Variants in RARA observed in about 807,000 individuals in gnomAD.
RARA encodes the protein retinoic acid receptor alpha.
Under a neutral mutation model 42.8 loss-of-function variants are expected in RARA, and 5 were observed. The ratio of observed to expected loss-of-function variants is 0.12; its 90% CI spans 0.06 to 0.25. The LOEUF (loss-of-function observed/expected upper bound fraction) is 0.25, where lower values mean the gene tolerates loss of function less well. Among genes scored for constraint, RARA ranks in the 10% least tolerant of loss-of-function variants. RARA has a pLI of 1.00. For missense variants in RARA, 402 were observed against 628.7 expected (o/e 0.64, Z 3.86); for synonymous variants, 256 against 259.5 (o/e 0.99, Z 0.13).
At chr17:40,330,373 C>T (rs917411062) in intron 1 of RARA, among the ~76,000 whole-genome samples, 5 of 152,112 alleles carry the variant, frequency 3.3e-5, no homozygotes, top group Non-Finnish European at 5.9e-5. Flanking sequence ...GGTGCTGGGG[C>T]TTGGATCTGG....
chr17:40,336,284 T>C (rs2033847783), intron 2 of RARA, among the ~76,000 whole-genome samples: 1 of 152,188 alleles, frequency 6.6e-6, no homozygotes, highest in Non-Finnish European at 1.5e-5. Flanking sequence ...TCCTCCTTAT[T>C]AGGCTGGTCT....
chr17:40,311,715 C>G (rs1428690747), intron 1 of RARA, among the ~76,000 whole-genome samples: 1 of 152,142 alleles, frequency 6.6e-6, no homozygotes, highest in Non-Finnish European at 1.5e-5. Context: ...GTGCAGGGCT[C>G]CCCTGCAGGG....
In RARA at chr17:40,345,774, C is replaced by T. The variant is rs903364704; in HGVS notation, c.179-2542C>T. Among the ~76,000 whole-genome samples the T allele has an allele frequency of 6.6e-6, 1 of 152,190 alleles. No individual in the cohort carries two copies. Among genetic ancestry groups the T allele is most frequent in the African/African-American group, 2.4e-5 (1 of 41,438 alleles). Reference sequence around the variant, plus strand: ...GTCCCTCCCCCGTTGGTGTCCCTCCCCACTCCACCTGTGTGTGCAGGGAGT... The same window carrying T: ...GTCCCTCCCCCGTTGGTGTCCCTCCTCACTCCACCTGTGTGTGCAGGGAGT... On this transcript the variant is annotated intron_variant, in intron 2 of 8. Coordinates refer to ENST00000254066, the MANE Select transcript of RARA (RefSeq NM_000964.4). This position sits in a 1 kb window ranked among gnomAD's most constrained non-coding sequence, Gnocchi z 4.8.
At chr17:40,344,550 C>T (rs1392203129) in intron 2 of RARA, among the ~76,000 whole-genome samples, 1 of 152,116 alleles carries the variant, frequency 6.6e-6, no homozygotes, top group Non-Finnish European at 1.5e-5. Flanking sequence ...CTCAGCTCTT[C>T]CTGGCCCAGA....
Position 40,356,441 on chromosome 17 carries a change from G to T in RARA, c.*215G>T, listed in dbSNP as rs538792963. 4 of 716,988 alleles carry T rather than the reference G, an allele frequency of 5.6e-6. No homozygotes were observed. Among genetic ancestry groups the T allele is most frequent in the Admixed American group, 2.0e-5 (1 of 49,690 alleles). The allele number at this position is 716,988 out of a possible 1,614,324, so 44.4% of individuals were successfully genotyped here. ...GCCTGCTCCCACAGCCTGGGCTGAC[G>T]TCAGAGGCCGAGGCCAGGAACTGAG... is the stretch of plus-strand genomic sequence containing the variant. On this transcript the variant is annotated 3_prime_UTR_variant, in exon 9 of 9. Transcript: ENST00000254066.
intron 2 of RARA, chr17:40,342,470 G>T (rs1375338585): frequency 2.4e-6 from 3 of 1,233,272 alleles, no homozygotes; most frequent in Non-Finnish European, 3.0e-6. Flanking sequence ...AGAGCCGACG[G>T]ACCCCCCCTC....
Position 40,356,604 on chromosome 17 carries a change from C to T in RARA, c.*378C>T, listed in dbSNP as rs1297282717. ...TCCCCCATCCTCAGAACTCACAAGC[C>T]ATTGCTCCCCAGCTGGGGAACCTCA... is the stretch of plus-strand genomic sequence containing the variant. On this transcript the variant is annotated 3_prime_UTR_variant, in exon 9 of 9. Coordinates refer to ENST00000254066, the MANE Select transcript of RARA (RefSeq NM_000964.4). 3 of 547,418 alleles carry T rather than the reference C, an allele frequency of 5.5e-6. No individual in the cohort carries two copies. The highest frequency in any genetic ancestry group is 1.1e-5 in the Non-Finnish European group (3 of 285,042). The allele number at this position is 547,418 out of a possible 1,614,324, so 33.9% of individuals were successfully genotyped here. A position where few individuals can be genotyped will look rare whatever the true frequency, so the allele number is the denominator to read the frequency against.
At chr17:40,317,706 T>C (rs571717540) in intron 1 of RARA, among the ~76,000 whole-genome samples, 212 of 152,002 alleles carry the variant, frequency 1.4e-3, no homozygotes, top group African/African-American at 5.0e-3. Context: ...TCTTTTTTTT[T>C]TTTTCTTTTT....
At position 40,326,246 on chromosome 17, in the gene RARA, G is replaced by A. The variant is rs1305188835; in HGVS notation, c.-362-4611G>A. Among the ~76,000 whole-genome samples the A allele has an allele frequency of 1.3e-5, 2 of 152,220 alleles. No homozygotes were observed. The highest frequency in any genetic ancestry group is 4.8e-5 in the African/African-American group (2 of 41,458). On this transcript the variant is annotated intron_variant, in intron 1 of 8. Transcript: ENST00000254066. This position sits in a 1 kb window ranked among gnomAD's most constrained non-coding sequence, Gnocchi z 5.2. ...GGGGATGGAGGGCTCCAGTTGCCCG[G>A]GCCTCCCCTGTGCCAAGCTCTGGTC...
At chr17:40,311,562 T>C (rs754758673) in intron 1 of RARA, among the ~76,000 whole-genome samples, 2 of 152,174 alleles carry the variant, frequency 1.3e-5, no homozygotes, top group Admixed American at 6.5e-5. Context: ...CTTTGCCTCA[T>C]CTAGCCCCTT....
chr17:40,342,772 A>G, intron 2 of RARA: 3 of 1,612,736 alleles, frequency 1.9e-6, no homozygotes, highest in Admixed American at 1.7e-5. Context: ...TTTTATAACC[A>G]GAACCGGGCC....
In RARA at chr17:40,352,120, G is replaced by A. The variant is rs1360868311; in HGVS notation, c.630+50G>A. 2 of 1,491,270 alleles carry A rather than the reference G, an allele frequency of 1.3e-6. No homozygotes were observed. The highest frequency in any genetic ancestry group is 1.8e-6 in the Non-Finnish European group (2 of 1,123,962). 92.4% of individuals were successfully genotyped at this position (1,491,270 alleles called of 1,614,324 possible). A position where few individuals can be genotyped will look rare whatever the true frequency, so the allele number is the denominator to read the frequency against. ...GGTGGGATTTGCCCAGGGCCACAGG[G>A]CCAGGATGGGCCCCTCTCAGGCACC... is the stretch of plus-strand genomic sequence containing the variant. On this transcript the variant is annotated intron_variant, in intron 5 of 8. Transcript: ENST00000254066. This position sits in a 1 kb window ranked among gnomAD's most constrained non-coding sequence, Gnocchi z 4.9.
At chr17:40,312,831 C>T (rs1276651282) in intron 1 of RARA, among the ~76,000 whole-genome samples, 1 of 152,188 alleles carries the variant, frequency 6.6e-6, no homozygotes, top group African/African-American at 2.4e-5. Context: ...AACACTCAAT[C>T]AGTCATTGGC....
intron 2 of RARA, among the ~76,000 whole-genome samples, chr17:40,338,366 CA>C (rs1359880549): frequency 6.6e-6 from 1 of 152,198 alleles, no homozygotes; most frequent in Non-Finnish European, 1.5e-5. Context: ...GGAGGCCACT[CA>C]ACCTTTGGCT....
In RARA at chr17:40,352,133, CCT is replaced by C. The variant is rs902926629; in HGVS notation, c.630+67_630+68del. ...CAGGGCCACAGGGCCAGGATGGGCCCCTCTCAGGCACCCCTTCTTGTGCCAGG... is the reference window on the plus strand; with the variant it reads ...CAGGGCCACAGGGCCAGGATGGGCCCCTCAGGCACCCCTTCTTGTGCCAGG... On this transcript the variant is annotated intron_variant, in intron 5 of 8. Coordinates refer to ENST00000254066, the MANE Select transcript of RARA (RefSeq NM_000964.4). This position sits in a 1 kb window ranked among gnomAD's most constrained non-coding sequence, Gnocchi z 4.9. 8.8e-6 allele frequency: 13 copies of C among 1,478,352 alleles called. No homozygotes were observed. The highest frequency in any genetic ancestry group is 1.2e-5 in the Non-Finnish European group (13 of 1,117,882). 91.6% of individuals were successfully genotyped at this position (1,478,352 alleles called of 1,614,324 possible). A position where few individuals can be genotyped will look rare whatever the true frequency, so the allele number is the denominator to read the frequency against.
chr17:40,354,616 G>A lies in RARA; in HGVS notation c.1012+110G>A. 1 of 1,318,954 alleles carries A rather than the reference G, an allele frequency of 7.6e-7. No homozygotes were observed. Among genetic ancestry groups the A allele is most frequent in the Non-Finnish European group, 1.0e-6 (1 of 970,074 alleles). The allele number at this position is 1,318,954 out of a possible 1,614,324, so 81.7% of individuals were successfully genotyped here. A position where few individuals can be genotyped will look rare whatever the true frequency, so the allele number is the denominator to read the frequency against. ...CTCTGTTAGGTATCTCTAGAGGGCA[G>A]GGTCTGGTCTGCAACTACACAGCAA... On this transcript the variant is annotated intron_variant, in intron 7 of 8. Transcript: ENST00000254066. The surrounding 1 kb of genome is among the most constrained non-coding windows in gnomAD (Gnocchi z 4.5).
intron 2 of RARA, among the ~76,000 whole-genome samples, chr17:40,337,257 C>T (rs1261595556): frequency 1.3e-5 from 2 of 152,196 alleles, no homozygotes; most frequent in African/African-American, 2.4e-5. Context: ...GATTGTGGGG[C>T]ACACTCTTGG....
At position 40,345,239 on chromosome 17, in the gene RARA, C is replaced by T. The variant is rs1485368533; in HGVS notation, c.179-3077C>T. 1.3e-5 allele frequency: 2 copies of T among 153,532 alleles called. No homozygotes were observed. Among genetic ancestry groups the T allele is most frequent in the Admixed American group, 6.5e-5 (1 of 15,290 alleles). The allele number at this position is 153,532 out of a possible 1,614,324, so 9.5% of individuals were successfully genotyped here. On this transcript the variant is annotated intron_variant, in intron 2 of 8. Transcript: ENST00000254066. This position sits in a 1 kb window ranked among gnomAD's most constrained non-coding sequence, Gnocchi z 4.8. ...GAGGGGGAGACGCTTATCAGGCGGC[C>T]GCTGGGCTAGGGGCCTTCTTCCGCT...
At chr17:40,314,832 A>G (rs1261658901) in intron 1 of RARA, among the ~76,000 whole-genome samples, 4 of 150,854 alleles carry the variant, frequency 2.7e-5, no homozygotes, top group Non-Finnish European at 5.9e-5. Context: ...TGAGTCACCC[A>G]GCCATGCCTG....
Sources: gnomAD v4.1 joint callset for allele counts (sites outside exome capture counted in the v4.1 genomes callset) on GRCh38, gnomAD v4.1.1 for gene constraint, Gnocchi (gnomAD v3.1) non-coding constraint, MANE v1.5 for transcripts, NCBI Gene and HGNC (gene_info 2026-07-23, HGNC 2026-07-21) for gene names.